GALNT2: variants seen among roughly 807,000 people sequenced by gnomAD.
GALNT2 encodes polypeptide N-acetylgalactosaminyltransferase 2.
A neutral mutation model predicts 81.4 loss-of-function variants in GALNT2; 31 were observed. The ratio of observed to expected loss-of-function variants is 0.38; its 90% CI spans 0.29 to 0.51. GALNT2 has a LOEUF of 0.51. Ranked by LOEUF, GALNT2 falls within the 20% of genes least tolerant of loss-of-function variation. GALNT2 has a pLI of 0.87. For missense variants in GALNT2, 629 were observed against 765.7 expected, an observed-to-expected ratio of 0.82 and a Z score of 2.11; for synonymous variants, 303 against 287.4, an observed-to-expected ratio of 1.05 and a Z score of -0.55.
chr1:230,109,031 C>T lies in GALNT2; in HGVS notation c.126+41625C>T, dbSNP rs767241042. ...TATATATGTTAGAAACAAAGTTTCG[C>T]GAACAGTGCAAACGTTTTCTAGATG... On this transcript the variant is annotated intron_variant, in intron 1 of 15. Transcript: ENST00000366672. Among the ~76,000 whole-genome samples, 22 of 152,312 alleles carry T rather than the reference C, an allele frequency of 1.4e-4. No individual in the cohort carries two copies. In the East Asian group the frequency reaches 3.9e-3, roughly 27 times the overall value.
At chr1:230,060,153 C>G (rs1659010727) in intron 1 of GALNT2, among the ~76,000 whole-genome samples, 1 of 152,188 alleles carries the variant, frequency 6.6e-6, no homozygotes, top group African/African-American at 2.4e-5. Context: ...TCACAATAGC[C>G]AAAGTGACAT....
intron 1 of GALNT2, among the ~76,000 whole-genome samples, chr1:230,127,499 C>T (rs1321719519): frequency 1.3e-5 from 2 of 152,084 alleles, no homozygotes; most frequent in Non-Finnish European, 2.9e-5. Context: ...CCTCAGCCTC[C>T]CAAGCAGCTG....
chr1:230,232,856 G>C (rs1664907481), intron 3 of GALNT2, among the ~76,000 whole-genome samples: 1 of 152,262 alleles, frequency 6.6e-6, no homozygotes, highest in African/African-American at 2.4e-5. Flanking sequence ...CTCTAATGAG[G>C]TGCGATATTA....
At chr1:230,169,690 A>T (rs193243926) in intron 1 of GALNT2, among the ~76,000 whole-genome samples, 43 of 152,358 alleles carry the variant, frequency 2.8e-4, no homozygotes, top group African/African-American at 9.9e-4. Context: ...TCATTGTTAC[A>T]GTTCTCAAAT....
At chr1:230,252,131 C>T (rs1665562871) in intron 10 of GALNT2, among the ~76,000 whole-genome samples, 1 of 152,180 alleles carries the variant, frequency 6.6e-6, no homozygotes, top group Admixed American at 6.5e-5. Flanking sequence ...GGCTCAAGAG[C>T]TTCACGTGAG....
At chr1:230,169,167 G>C (rs965556489) in intron 1 of GALNT2, among the ~76,000 whole-genome samples, 1 of 152,170 alleles carries the variant, frequency 6.6e-6, no homozygotes, top group African/African-American at 2.4e-5. Context: ...ATTATGGAGA[G>C]AAAGGGAAGT....
chr1:230,238,406 G>A (rs866014061), intron 6 of GALNT2, among the ~76,000 whole-genome samples: 1 of 152,200 alleles, frequency 6.6e-6, no homozygotes, highest in African/African-American at 2.4e-5. Context: ...GGATTTCTCT[G>A]GGTGGGGTGT....
chr1:230,067,365 T>C lies in GALNT2; in HGVS notation c.85T>C (p.Ser29Pro). The change falls in exon 1 of 16, where the codon TCT (serine) becomes CCT (proline). Residue 29 changes from serine to proline, a missense_variant. Physicochemically the swap from Ser to Pro is moderately conservative, Grantham distance 74. Transcript: ENST00000366672. ...CTACTACATGTACTCGGGGGGCGGC[T>C]CTGCGCTGGCCGGGGGCGCGGGCGG... ...IAYYMYSGGG[S>P]ALAGGAGGGA... 3 of 1,350,466 alleles carry C rather than the reference T, an allele frequency of 2.2e-6. No individual in the cohort carries two copies. Among genetic ancestry groups the C allele is most frequent in the Non-Finnish European group, 1.9e-6 (2 of 1,040,694 alleles). The allele number at this position is 1,350,466 out of a possible 1,614,324, so 83.7% of individuals were successfully genotyped here.
At position 230,243,966 on chromosome 1, in the gene GALNT2, G is replaced by A. The variant is rs116039627; in HGVS notation, c.729+539G>A. Among the ~76,000 whole-genome samples the A allele has an allele frequency of 3.9e-3, 595 of 152,032 alleles. 7 individuals carry two copies. Among genetic ancestry groups the A allele is most frequent in the African/African-American group, 0.014 (567 of 41,466 alleles). ...GTGGGGTTGTCAGAGGGTGATCCGC[G>A]GCTCCACTTCTGCACCTTCTGCTTT... On this transcript the variant is annotated intron_variant, in intron 7 of 15. Transcript: ENST00000366672. This position sits in a 1 kb window ranked among gnomAD's most constrained non-coding sequence, Gnocchi z 4.2.
At chr1:230,123,265 C>T (rs891707014) in intron 1 of GALNT2, among the ~76,000 whole-genome samples, 1 of 152,200 alleles carries the variant, frequency 6.6e-6, no homozygotes, top group Non-Finnish European at 1.5e-5. Flanking sequence ...TGACGCTTGG[C>T]TCCAAGTGGT....
At chr1:230,262,808 C>T in intron 12 of GALNT2, 114 bp from the exon 13 acceptor site, 4 of 1,282,252 alleles carry the variant, frequency 3.1e-6, no homozygotes, top group Non-Finnish European at 4.5e-6. Context: ...CATGGGCAGT[C>T]CACACCACAC....
intron 3 of GALNT2, among the ~76,000 whole-genome samples, chr1:230,206,769 GA>G (rs1224098417): frequency 1.3e-5 from 2 of 152,178 alleles, no homozygotes; most frequent in East Asian, 3.9e-4. Flanking sequence ...GAGGTGTTTG[GA>G]GTCCTACAGA....
intron 1 of GALNT2, among the ~76,000 whole-genome samples, chr1:230,150,707 A>G (rs570481356): frequency 6.6e-6 from 1 of 152,178 alleles, no homozygotes. Flanking sequence ...CTCATTAGAG[A>G]ATGCGCTGCG....
rs370867700 is a variant in GALNT2 at position 230,119,289 on chromosome 1, C to T, written c.126+51883C>T. Among the ~76,000 whole-genome samples, 410 of 152,192 alleles carry T rather than the reference C, an allele frequency of 2.7e-3. No individual in the cohort carries two copies. In the Middle Eastern group the frequency reaches 0.041, roughly 15 times the overall value. On this transcript the variant is annotated intron_variant, in intron 1 of 15. Transcript: ENST00000366672. ...GGTTTTTGTGAAGGGAGCTGGGAAT[C>T]GCCTTACTGTTTTCCAGCCTGGATT...
chr1:230,242,747 T>C (rs1414867986), intron 6 of GALNT2, among the ~76,000 whole-genome samples: 2 of 152,190 alleles, frequency 1.3e-5, no homozygotes, highest in African/African-American at 2.4e-5. Context: ...TGCACATTAT[T>C]AACACATCAC....
At position 230,223,453 on chromosome 1, in the gene GALNT2, AT is replaced by A. The variant is rs141387009; in HGVS notation, c.375-12551del. Among the ~76,000 whole-genome samples, 127 of 147,046 alleles carry A rather than the reference AT, an allele frequency of 8.6e-4. 1 individual carries two copies. Among genetic ancestry groups the A allele is most frequent in the East Asian group, 7.3e-3 (37 of 5,038 alleles). ...TCTAAAGTTTAATAGACTCTTAGCC[AT>A]TTTTTTTTTAATTTTATTCATTTAC... On this transcript the variant is annotated intron_variant, in intron 3 of 15. Coordinates refer to ENST00000366672, the MANE Select transcript of GALNT2 (RefSeq NM_004481.5).
At chr1:230,072,658 C>A (rs139023720) in intron 1 of GALNT2, among the ~76,000 whole-genome samples, 1 of 152,242 alleles carries the variant, frequency 6.6e-6, no homozygotes, top group Admixed American at 6.5e-5. Context: ...TGGAAACACA[C>A]TGGCTTAGCC....
intron 1 of GALNT2, among the ~76,000 whole-genome samples, 180 bp from the exon 2 acceptor site, chr1:230,178,038 C>T (rs1263528640): frequency 6.6e-6 from 1 of 152,184 alleles, no homozygotes; most frequent in Non-Finnish European, 1.5e-5. Flanking sequence ...TCTCCCCTTG[C>T]ATCTTGACTC....
rs183593156 is a variant in GALNT2 at position 230,177,011 on chromosome 1, G to A, written c.127-1207G>A. Among the ~76,000 whole-genome samples the A allele has an allele frequency of 7.9e-5, 12 of 152,268 alleles. No homozygotes were observed. In the East Asian group the frequency reaches 1.2e-3, roughly 15 times the overall value. ...CTGATGTGATAAACCCAGCTGTATC[G>A]CCTCATTAGAGAAGCAACGGAAGCA... On this transcript the variant is annotated intron_variant, in intron 1 of 15. Transcript: ENST00000366672.
Sources: gnomAD v4.1 joint callset for allele counts (sites outside exome capture counted in the v4.1 genomes callset) on GRCh38, gnomAD v4.1.1 for gene constraint, Gnocchi (gnomAD v3.1) non-coding constraint, MANE v1.5 for transcripts, NCBI Gene and HGNC (gene_info 2026-07-23, HGNC 2026-07-21) for gene names.